The following NAA60 variants were observed in gnomAD, a reference collection of about 807,000 sequenced individuals.
The protein encoded by NAA60 is N-alpha-acetyltransferase 60.
Under a neutral mutation model 26.1 loss-of-function variants are expected in NAA60, and 8 were observed. That is an observed-to-expected ratio of 0.31 (90% CI 0.18 to 0.55). NAA60 has a LOEUF of 0.55. NAA60 is among the 20% of genes least tolerant of loss of function. The probability of loss-of-function intolerance (pLI) is 0.93; values close to 1 mark genes in which losing one functional copy is unlikely to be tolerated. For missense variants in NAA60, 290 were observed against 311.3 expected (o/e 0.93, Z 0.51); for synonymous variants, 131 against 122.5 (o/e 1.07, Z -0.46).
At chr16:3,476,422 C>T (rs946515741) in intron 3 of NAA60, 85 bp downstream of exon 3, 10 of 1,119,610 alleles carry the variant, frequency 8.9e-6, no homozygotes, top group African/African-American at 3.1e-5. Flanking sequence ...GCCTCTTGGG[C>T]CCTTAGGACC....
At chr16:3,462,107 CT>C in intron 2 of NAA60, among the ~76,000 whole-genome samples, 1 of 97,608 alleles carries the variant, frequency 1.0e-5, no homozygotes, top group Non-Finnish European at 2.1e-5. Flanking sequence ...AAAAAAAAAC[CT>C]TTCAGTGCTA....
intron 1 of NAA60, among the ~76,000 whole-genome samples, chr16:3,444,961 G>T (rs1277005475): frequency 6.6e-6 from 1 of 152,202 alleles, no homozygotes; most frequent in South Asian, 2.1e-4. Context: ...ATGAAAAAAA[G>T]AGATGTGGAA....
rs547505125 is a variant in NAA60, at chr16:3,479,219, A to C, written c.111-252A>C. Reference sequence around the variant, plus strand: ...CACGCCATTGCACTCCAGCCTGGGCAACAAGAGCAAAACTCCGTCTCAAAA... The same window carrying C: ...CACGCCATTGCACTCCAGCCTGGGCCACAAGAGCAAAACTCCGTCTCAAAA... On this transcript the variant is annotated intron_variant, in intron 3 of 7. Transcript: ENST00000407558. Among the ~76,000 whole-genome samples, 9 of 152,328 alleles carry C rather than the reference A, an allele frequency of 5.9e-5. No homozygotes were observed. In the East Asian group the frequency reaches 1.7e-3, roughly 29 times the overall value.
rs769581204 is a variant in NAA60 at position 3,485,548 on chromosome 16, G to A, written c.*288G>A. The A allele has an allele frequency of 2.2e-6, 1 of 455,020 alleles. No individual in the cohort carries two copies. Among genetic ancestry groups the A allele is most frequent in the Non-Finnish European group, 4.4e-6 (1 of 225,976 alleles). The allele number at this position is 455,020 out of a possible 1,614,324, so 28.2% of individuals were successfully genotyped here. A position where few individuals can be genotyped will look rare whatever the true frequency, so the allele number is the denominator to read the frequency against. ...CCCCCTGCGCATGCACCGTCCCCAG[G>A]GCTGACCCAGTGTGGCTGCATTCAC... is the stretch of plus-strand genomic sequence containing the variant. On this transcript the variant is annotated 3_prime_UTR_variant, in exon 8 of 8. Coordinates refer to ENST00000407558, the MANE Select transcript of NAA60 (RefSeq NM_001083601.3).
chr16:3,449,819 G>A (rs957420033), intron 2 of NAA60, among the ~76,000 whole-genome samples: 7 of 152,114 alleles, frequency 4.6e-5, no homozygotes, highest in East Asian at 1.9e-4. Context: ...TAAGTCTCAC[G>A]AGATCTAATG....
intron 2 of NAA60, among the ~76,000 whole-genome samples, chr16:3,469,427 A>G (rs2035982208): frequency 6.7e-6 from 1 of 149,724 alleles, no homozygotes; most frequent in Admixed American, 6.7e-5. Flanking sequence ...TCCCCCCAGC[A>G]CTGCCCTGGT....
At chr16:3,476,200 T>TGCCCC in intron 2 of NAA60, 22 bp from the exon 3 acceptor site, 1 of 1,540,868 alleles carries the variant, frequency 6.5e-7, no homozygotes, top group Non-Finnish European at 8.9e-7. Flanking sequence ...AGGTGACGCG[T>TGCCCC]CCCCCCCACC....
chr16:3,458,092 G>T, intron 2 of NAA60: 2 of 985,316 alleles, frequency 2.0e-6, no homozygotes, highest in Non-Finnish European at 2.4e-6. Context: ...CTCGTTGCGG[G>T]CTCCGCGCGG....
At chr16:3,445,729 A>G (rs577938243) in intron 1 of NAA60, among the ~76,000 whole-genome samples, 9 of 152,220 alleles carry the variant, frequency 5.9e-5, no homozygotes, top group South Asian at 2.1e-4. Context: ...ACAGTTTCCA[A>G]TGCTTTGAAA....
chr16:3,472,619 G>A lies in NAA60; in HGVS notation c.-6-3603G>A, dbSNP rs568231886. Among the ~76,000 whole-genome samples the A allele has an allele frequency of 3.5e-4, 53 of 152,230 alleles. 1 individual carries two copies. The South Asian group carries it at 6.2e-3, about 18-fold the overall frequency. On this transcript the variant is annotated intron_variant, in intron 2 of 7. Coordinates refer to ENST00000407558, the MANE Select transcript of NAA60 (RefSeq NM_001083601.3). ...AGCTAATTTTTTTGTATTTTTAGTA[G>A]AGACAGGGTTTCACCATCTTGGCCA...
intron 2 of NAA60, among the ~76,000 whole-genome samples, chr16:3,466,268 C>T (rs1320661115): frequency 1.3e-5 from 2 of 152,200 alleles, no homozygotes; most frequent in African/African-American, 4.8e-5. Flanking sequence ...TCTGCGGGCT[C>T]CCCTCGGCAC....
chr16:3,457,962 G>A, intron 2 of NAA60: 1 of 984,718 alleles, frequency 1.0e-6, no homozygotes, highest in Non-Finnish European at 1.2e-6. Flanking sequence ...CTCAGGGGGC[G>A]GGGCCACGTG....
At chr16:3,461,909 A>G (rs1188721290) in intron 2 of NAA60, among the ~76,000 whole-genome samples, 1 of 152,132 alleles carries the variant, frequency 6.6e-6, no homozygotes, top group East Asian at 1.9e-4. Context: ...GCAACATAGC[A>G]AAACTCCATC....
intron 4 of NAA60, among the ~76,000 whole-genome samples, chr16:3,481,406 C>T (rs2036821986): frequency 6.6e-6 from 1 of 152,142 alleles, no homozygotes. Context: ...GTTAATGGGA[C>T]ACGTGGTCCC....
At chr16:3,467,100 A>G (rs1050443755) in intron 2 of NAA60, among the ~76,000 whole-genome samples, 1 of 151,992 alleles carries the variant, frequency 6.6e-6, no homozygotes, top group South Asian at 2.1e-4. Flanking sequence ...GCCAGAGAGA[A>G]AGAGCCTGAG....
intron 2 of NAA60, among the ~76,000 whole-genome samples, chr16:3,462,907 G>GT (rs1321373268): frequency 1.3e-5 from 2 of 151,998 alleles, no homozygotes; most frequent in African/African-American, 2.4e-5. Flanking sequence ...TTTTTTAAAT[G>GT]TTTTTTTGAA....
At chr16:3,449,672 G>A (rs2034696161) in intron 2 of NAA60, among the ~76,000 whole-genome samples, 3 of 152,256 alleles carry the variant, frequency 2.0e-5, no homozygotes, top group East Asian at 1.9e-4. Context: ...GTGACAGAGC[G>A]AGACCCCATC....
intron 1 of NAA60, among the ~76,000 whole-genome samples, chr16:3,445,928 A>G (rs897871129): frequency 6.6e-6 from 1 of 152,230 alleles, no homozygotes; most frequent in African/African-American, 2.4e-5. Context: ...AAAGTCCAAG[A>G]TAGACCAAGA....
At chr16:3,444,271 A>G (rs545822167) in intron 1 of NAA60, among the ~76,000 whole-genome samples, 1 of 152,134 alleles carries the variant, frequency 6.6e-6, no homozygotes, top group East Asian at 1.9e-4. Flanking sequence ...GGAATTGGAA[A>G]ATTGAGCTCC....
Sources: gnomAD v4.1 joint callset for allele counts (sites outside exome capture counted in the v4.1 genomes callset) on GRCh38, gnomAD v4.1.1 for gene constraint, MANE v1.5 for transcripts, NCBI Gene and HGNC (gene_info 2026-07-23, HGNC 2026-07-21) for gene names.